The following NEGR1 variants were observed in gnomAD, a reference collection of about 807,000 sequenced individuals.
NEGR1 encodes IgLON family member 4.
NEGR1 carries 10 observed loss-of-function variants against 40.9 expected under a neutral mutation model. The ratio of observed to expected loss-of-function variants is 0.24; its 90% CI spans 0.15 to 0.42. NEGR1 has a LOEUF of 0.42. NEGR1 is among the 10% of genes least tolerant of loss of function. NEGR1 has a pLI of 1.00. For synonymous variants in NEGR1, 185 were observed against 166.8 expected (o/e 1.11, Z -0.84); for missense variants, 352 against 438.9 (o/e 0.80, Z 1.77).
At chr1:71,546,947 A>T (rs186124484) in intron 6 of NEGR1, among the ~76,000 whole-genome samples, 37 of 151,850 alleles carry the variant, frequency 2.4e-4, no homozygotes, top group African/African-American at 8.9e-4. Flanking sequence ...CTCCTAGTCA[A>T]TCAGGCCGCA....
Position 72,216,434 on chromosome 1 carries a change from CAT to C in NEGR1, c.176+65883_176+65884del, listed in dbSNP as rs1171740724. Among the ~76,000 whole-genome samples the C allele has an allele frequency of 1.7e-3, 240 of 142,256 alleles. 1 individual carries two copies. The highest frequency in any genetic ancestry group is 4.6e-3 in the African/African-American group (176 of 37,970). 93.3% of individuals were successfully genotyped at this position (142,256 alleles called of 152,430 possible). A position where few individuals can be genotyped will look rare whatever the true frequency, so the allele number is the denominator to read the frequency against. ...ATATATATGTATATCTATATACACACATATATATATATGTAGCTAGTGGAAAT... is the reference window on the plus strand; with the variant it reads ...ATATATATGTATATCTATATACACACATATATATATGTAGCTAGTGGAAAT... On this transcript the variant is annotated intron_variant, in intron 1 of 6. Coordinates refer to ENST00000357731, the MANE Select transcript of NEGR1 (RefSeq NM_173808.3).
intron 2 of NEGR1, among the ~76,000 whole-genome samples, chr1:71,834,404 G>A (rs1241565464): frequency 6.6e-6 from 1 of 151,964 alleles, no homozygotes; most frequent in Non-Finnish European, 1.5e-5. Flanking sequence ...AATCCATGGA[G>A]GACCTGAAGA....
chr1:71,611,559 A>T (rs1260560942), intron 4 of NEGR1, among the ~76,000 whole-genome samples: 1 of 152,188 alleles, frequency 6.6e-6, no homozygotes, highest in East Asian at 1.9e-4. Context: ...TCTAAGCTTG[A>T]TGGTATTATC....
At chr1:72,034,354 A>T (rs926745617) in intron 1 of NEGR1, among the ~76,000 whole-genome samples, 4 of 152,162 alleles carry the variant, frequency 2.6e-5, no homozygotes, top group African/African-American at 9.7e-5. Context: ...TATAAATTGT[A>T]TATCTTTTTA....
chr1:72,282,384 ACT>A lies in NEGR1; in HGVS notation c.109_110del (p.Ser37CysfsTer22), dbSNP rs753430889. 1 of 1,613,582 alleles carries A rather than the reference ACT, an allele frequency of 6.2e-7. No homozygotes were observed. The highest frequency in any genetic ancestry group is 1.1e-5 in the South Asian group (1 of 91,046). The stretch of plus-strand genomic sequence containing the variant: ...CCACGGCCGCCCAGGGGAAGTCCAC[ACT>A]CTGTCCAGCCGGGAGGCAGGAGGGT... ...LLPSCLPAGQ[S>X]VDFPWAAVDN... On this transcript the variant is annotated frameshift_variant, in exon 1 of 7. Coordinates refer to ENST00000357731, the MANE Select transcript of NEGR1 (RefSeq NM_173808.3). LOFTEE classifies it high-confidence loss of function.
intron 1 of NEGR1, among the ~76,000 whole-genome samples, chr1:72,143,934 T>TATATAA (rs1650804726): frequency 6.9e-6 from 1 of 144,322 alleles, no homozygotes; most frequent in African/African-American, 2.5e-5. Flanking sequence ...TATATATATA[T>TATATAA]ATATATTCAT....
At chr1:71,831,939 A>G (rs1658856549) in intron 2 of NEGR1, among the ~76,000 whole-genome samples, 1 of 151,810 alleles carries the variant, frequency 6.6e-6, no homozygotes, top group Non-Finnish European at 1.5e-5. Flanking sequence ...TTTTTTTAAT[A>G]TGGTAAGAGG....
intron 6 of NEGR1, among the ~76,000 whole-genome samples, chr1:71,548,630 C>G (rs543408857): frequency 6.6e-6 from 1 of 151,806 alleles, no homozygotes; most frequent in Admixed American, 6.6e-5. Context: ...AACGTTTCAT[C>G]TCATATGCAT....
At chr1:72,019,214 G>A (rs546767841) in intron 1 of NEGR1, among the ~76,000 whole-genome samples, 16 of 152,242 alleles carry the variant, frequency 1.1e-4, no homozygotes, top group African/African-American at 3.1e-4. Flanking sequence ...TAACTGAAGA[G>A]ACAGAAGATA....
chr1:71,828,034 A>C (rs1658702096), intron 2 of NEGR1, among the ~76,000 whole-genome samples: 1 of 151,964 alleles, frequency 6.6e-6, no homozygotes, highest in Non-Finnish European at 1.5e-5. Context: ...GAAGAGCAGC[A>C]TTTGCTTTTA....
At chr1:71,418,767 C>T (rs928053265) in intron 6 of NEGR1, among the ~76,000 whole-genome samples, 1 of 152,114 alleles carries the variant, frequency 6.6e-6, no homozygotes, top group Non-Finnish European at 1.5e-5. Flanking sequence ...GTACTTGCTT[C>T]CTCACCTAGA....
At chr1:71,730,914 GTGTGTGTGTA>G in intron 3 of NEGR1, among the ~76,000 whole-genome samples, 1 of 145,850 alleles carries the variant, frequency 6.9e-6, no homozygotes, top group African/African-American at 2.5e-5. Context: ...GTGTGTGTGT[GTGTGTGTGTA>G]TGTAACTTGA....
chr1:71,726,874 A>G (rs146417983), intron 3 of NEGR1, among the ~76,000 whole-genome samples: 112 of 152,230 alleles, frequency 7.4e-4, no homozygotes, highest in African/African-American at 2.5e-3. Flanking sequence ...CAGAAGAAAA[A>G]AAAATGCTAC....
intron 6 of NEGR1, among the ~76,000 whole-genome samples, chr1:71,589,904 C>T (rs1649441550): frequency 1.3e-5 from 2 of 152,126 alleles, no homozygotes; most frequent in South Asian, 4.1e-4. Flanking sequence ...TTTCAACTCT[C>T]TCATCTTCAT....
intron 2 of NEGR1, among the ~76,000 whole-genome samples, chr1:71,904,480 C>A (rs187511985): frequency 3.9e-5 from 6 of 152,038 alleles, no homozygotes; most frequent in African/African-American, 1.4e-4. Context: ...AAGTAATATA[C>A]ACTTAATGCC....
At chr1:71,935,738 A>G (rs1260064060) in intron 1 of NEGR1, among the ~76,000 whole-genome samples, 1 of 152,170 alleles carries the variant, frequency 6.6e-6, no homozygotes, top group African/African-American at 2.4e-5. Context: ...GATACTGAAT[A>G]TAATGTACCA....
chr1:71,930,084 T>C (rs747183301), intron 2 of NEGR1, among the ~76,000 whole-genome samples: 8 of 152,176 alleles, frequency 5.3e-5, no homozygotes, highest in Non-Finnish European at 1.2e-4. Context: ...AATTTATTCA[T>C]AGATTAAGGT....
intron 3 of NEGR1, among the ~76,000 whole-genome samples, chr1:71,728,998 TG>T (rs1313881275): frequency 2.7e-5 from 4 of 150,674 alleles, no homozygotes; most frequent in Non-Finnish European, 5.9e-5. Context: ...AGAGAAGAAA[TG>T]GAAACTTTTT....
intron 1 of NEGR1, among the ~76,000 whole-genome samples, chr1:72,006,483 C>G (rs1486252569): frequency 6.6e-6 from 1 of 152,090 alleles, no homozygotes; most frequent in Non-Finnish European, 1.5e-5. Flanking sequence ...AACTGTCCTG[C>G]TCACATTTTC....
Sources: gnomAD v4.1 joint callset for allele counts (sites outside exome capture counted in the v4.1 genomes callset) on GRCh38, gnomAD v4.1.1 for gene constraint, MANE v1.5 for transcripts, NCBI Gene and HGNC (gene_info 2026-07-23, HGNC 2026-07-21) for gene names.